Variants in CPQ observed in about 807,000 individuals in gnomAD.
CPQ encodes Ser-Met dipeptidase.
Under a neutral mutation model 45.7 loss-of-function variants are expected in CPQ, and 37 were observed. The ratio of observed to expected loss-of-function variants is 0.81; its 90% CI spans 0.62 to 1.07. CPQ has a LOEUF of 1.07. CPQ is among the 50% of genes least tolerant of loss of function. CPQ has a pLI of 0.00. For missense variants in CPQ, 537 were observed against 572.9 expected, an observed-to-expected ratio of 0.94 and a Z score of 0.64; for synonymous variants, 186 against 205.8, an observed-to-expected ratio of 0.90 and a Z score of 0.82.
At chr8:96,707,862 G>A (rs559005015) in intron 1 of CPQ, among the ~76,000 whole-genome samples, 1 of 152,152 alleles carries the variant, frequency 6.6e-6, no homozygotes, top group East Asian at 1.9e-4. Flanking sequence ...TCTGAATGCT[G>A]TCTATGTTTT....
At chr8:96,825,221 C>A (rs954217249) in intron 2 of CPQ, among the ~76,000 whole-genome samples, 3 of 151,740 alleles carry the variant, frequency 2.0e-5, no homozygotes, top group African/African-American at 7.3e-5. Flanking sequence ...CCTGGGGCTT[C>A]TGAAAAAAAA....
intron 3 of CPQ, among the ~76,000 whole-genome samples, chr8:96,853,578 G>A (rs1024413331): frequency 1.4e-5 from 2 of 145,524 alleles, no homozygotes; most frequent in African/African-American, 5.1e-5. Context: ...TTTTTTTTTT[G>A]GTCAATATTT....
rs538915882 is a variant in CPQ, at chr8:96,726,218, A to G, written c.-34-58646A>G. On this transcript the variant is annotated intron_variant, in intron 1 of 7. Transcript: ENST00000220763. ...ACCCACACATATGCCCTCTGAATCT[A>G]AAATAAAAGAAGAAATTATAGAAAA... Among the ~76,000 whole-genome samples, 169 of 152,266 alleles carry G rather than the reference A, an allele frequency of 1.1e-3. 1 individual carries two copies. Among genetic ancestry groups the G allele is most frequent in the African/African-American group, 3.9e-3 (161 of 41,544 alleles).
rs921043895 is a variant in CPQ at position 96,787,579 on chromosome 8, T to A, written c.433+2249T>A. Among the ~76,000 whole-genome samples, 3 of 135,932 alleles carry A rather than the reference T, an allele frequency of 2.2e-5. No individual in the cohort carries two copies. In the East Asian group the frequency reaches 7.4e-4, roughly 34 times the overall value. The allele number at this position is 135,932 out of a possible 152,430, so 89.2% of individuals were successfully genotyped here. ...TTGTATCAGAGTAAGACTGGCCTCA[T>A]GAAATCAGTGGCAAAGTGTCACCTC... On this transcript the variant is annotated intron_variant, in intron 2 of 7. Transcript: ENST00000220763.
chr8:96,855,958 A>G (rs894281509), intron 3 of CPQ, among the ~76,000 whole-genome samples: 3 of 152,194 alleles, frequency 2.0e-5, no homozygotes, highest in Admixed American at 6.5e-5. Context: ...CAGCTGGTGC[A>G]ACAGATCAAC....
At chr8:96,710,715 G>A (rs189317414) in intron 1 of CPQ, among the ~76,000 whole-genome samples, 49 of 152,252 alleles carry the variant, frequency 3.2e-4, no homozygotes, top group Non-Finnish European at 6.0e-4. Flanking sequence ...GAAGATACTT[G>A]ATTTGATTTC....
At chr8:96,913,372 A>G (rs954771229) in intron 4 of CPQ, among the ~76,000 whole-genome samples, 4 of 152,164 alleles carry the variant, frequency 2.6e-5, no homozygotes, top group African/African-American at 9.7e-5. Flanking sequence ...GTAAATACCT[A>G]TCTGCTCTCA....
intron 3 of CPQ, among the ~76,000 whole-genome samples, chr8:96,846,575 TTCTC>T (rs150721788): frequency 2.0e-5 from 3 of 150,222 alleles, no homozygotes; most frequent in Non-Finnish European, 3.0e-5. Context: ...CACATTTGCT[TTCTC>T]TCTCTCTCTC....
chr8:96,683,450 TTC>T (rs1376628952), intron 1 of CPQ, among the ~76,000 whole-genome samples: 1 of 152,146 alleles, frequency 6.6e-6, no homozygotes, highest in Non-Finnish European at 1.5e-5. Flanking sequence ...GTTTTTAGAA[TTC>T]TCTCTTTGTC....
chr8:96,722,017 T>C (rs1809770031), intron 1 of CPQ, among the ~76,000 whole-genome samples: 1 of 152,208 alleles, frequency 6.6e-6, no homozygotes, highest in Non-Finnish European at 1.5e-5. Context: ...TTATGTTTCA[T>C]ACACTACCCT....
intron 4 of CPQ, among the ~76,000 whole-genome samples, chr8:96,914,675 G>A (rs555998275): frequency 7.4e-4 from 112 of 152,054 alleles, no homozygotes; most frequent in Admixed American, 4.6e-4. Context: ...ATTACAGTAA[G>A]GGACTTTGTT....
intron 1 of CPQ, among the ~76,000 whole-genome samples, chr8:96,655,734 C>CCAT (rs1171442578): frequency 6.6e-6 from 1 of 152,148 alleles, no homozygotes; most frequent in Non-Finnish European, 1.5e-5. Flanking sequence ...ATGAGTTGAA[C>CCAT]CATCATAAGT....
chr8:96,708,941 C>G (rs761953692), intron 1 of CPQ, among the ~76,000 whole-genome samples: 9 of 152,062 alleles, frequency 5.9e-5, no homozygotes, highest in African/African-American at 9.7e-5. Context: ...TCAGATCTGT[C>G]TACTTCTTTT....
intron 4 of CPQ, among the ~76,000 whole-genome samples, chr8:96,901,359 A>C (rs1812510441): frequency 6.6e-6 from 1 of 152,146 alleles, no homozygotes; most frequent in African/African-American, 2.4e-5. Context: ...GTTCATTCCC[A>C]GGGCATAAAC....
chr8:97,076,707 G>C (rs200182670), intron 7 of CPQ, among the ~76,000 whole-genome samples: 1 of 152,010 alleles, frequency 6.6e-6, no homozygotes, highest in South Asian at 2.1e-4. Flanking sequence ...TTTTTTTAGC[G>C]GGGGAGAGGG....
intron 2 of CPQ, among the ~76,000 whole-genome samples, chr8:96,797,655 G>A (rs769028856): frequency 1.2e-4 from 18 of 151,984 alleles, no homozygotes; most frequent in Non-Finnish European, 2.2e-4. Context: ...GGTGGCTCAC[G>A]CTTTTAATCT....
At chr8:97,129,131 T>C (rs556277233) in intron 7 of CPQ, among the ~76,000 whole-genome samples, 9 of 152,042 alleles carry the variant, frequency 5.9e-5, no homozygotes, top group Non-Finnish European at 1.0e-4. Context: ...AGACATGAAA[T>C]CTAATAGAAG....
At chr8:96,890,119 G>A (rs1311620504) in intron 4 of CPQ, among the ~76,000 whole-genome samples, 1 of 152,098 alleles carries the variant, frequency 6.6e-6, no homozygotes, top group Non-Finnish European at 1.5e-5. Flanking sequence ...GCAACCCGGA[G>A]CACACTAATT....
At chr8:97,124,288 G>A (rs1240281031) in intron 7 of CPQ, among the ~76,000 whole-genome samples, 1 of 139,634 alleles carries the variant, frequency 7.2e-6, no homozygotes, top group African/African-American at 2.7e-5. Context: ...AAAACTACAT[G>A]AAGAAAAAAC....
Sources: allele counts gnomAD v4.1 joint callset (sites outside exome capture counted in the v4.1 genomes callset), GRCh38; gene constraint gnomAD v4.1.1; transcripts MANE v1.5; gene names NCBI Gene and HGNC (gene_info 2026-07-23, HGNC 2026-07-21).